Variants in FMN2 observed in about 807,000 individuals in gnomAD.
FMN2 encodes the protein formin 2, also known as formin-2.
In FMN2, 51 loss-of-function variants were observed where a neutral mutation model predicts 142.3. The ratio of observed to expected loss-of-function variants is 0.36; its 90% confidence interval spans 0.29 to 0.45. The LOEUF (loss-of-function observed/expected upper bound fraction) is 0.45, where lower values mean the gene tolerates loss of function less well. FMN2 is among the 20% of genes least tolerant of loss of function. The pLI is 1.00. For missense variants in FMN2, 1,936 were observed against 2,122.8 expected, an observed-to-expected ratio of 0.91 and a Z score of 1.73; for synonymous variants, 882 against 869.8, an observed-to-expected ratio of 1.01 and a Z score of -0.25.
intron 5 of FMN2, among the ~76,000 whole-genome samples, chr1:240,210,805 A>C (rs978713303): frequency 6.6e-6 from 1 of 152,152 alleles, no homozygotes; most frequent in Non-Finnish European, 1.5e-5. Context: ...CACTGAGATA[A>C]GTTTTCTTTT....
In FMN2 at chr1:240,439,127, G is replaced by T. The variant is rs373594551; in HGVS notation, c.5060+917G>T. Among the ~76,000 whole-genome samples, 419 of 152,058 alleles carry T rather than the reference G, an allele frequency of 2.8e-3. 5 individuals are homozygous for T. The highest frequency in any genetic ancestry group is 9.4e-3 in the African/African-American group (389 of 41,474). ...GTCTGTACTAAAAGTACAAAAATTAGCCGGGCATTGTGGTGGGCACCTGTA... is the reference window on the plus strand; with the variant it reads ...GTCTGTACTAAAAGTACAAAAATTATCCGGGCATTGTGGTGGGCACCTGTA... On this transcript the variant is annotated intron_variant, in intron 16 of 17. Transcript: ENST00000319653.
chr1:240,138,731 G>A lies in FMN2; in HGVS notation c.1782+15386G>A, dbSNP rs1329556214. 2.6e-5 allele frequency among the ~76,000 whole-genome samples: 4 copies of A among 151,958 alleles called. No homozygotes were observed. The East Asian group carries it at 7.7e-4, about 29-fold the overall frequency. On this transcript the variant is annotated intron_variant, in intron 2 of 17. Transcript: ENST00000319653. Reference sequence around the variant, plus strand: ...CAAAAAACAAAAAAAAATTGCATGTGGTCACACAATTTGTTTTTCCCCCTT... The same window carrying A: ...CAAAAAACAAAAAAAAATTGCATGTAGTCACACAATTTGTTTTTCCCCCTT...
chr1:240,204,567 G>A (rs907715155), intron 4 of FMN2, among the ~76,000 whole-genome samples: 3 of 152,148 alleles, frequency 2.0e-5, no homozygotes, highest in Non-Finnish European at 2.9e-5. Flanking sequence ...CCTGGCCAAC[G>A]TGCTGAAACC....
chr1:240,093,434 G>A lies in FMN2; in HGVS notation c.1325G>A (p.Arg442Lys). The A allele has an allele frequency of 6.2e-7, 1 of 1,613,722 alleles. No homozygotes were observed. The highest frequency in any genetic ancestry group is 8.5e-7 in the Non-Finnish European group (1 of 1,179,800). ...SPSQSPNQSP[R>K]IKRRPEPSLS... ...TCTCAGTCCCCTAATCAGAGCCCCAGGATCAAGAGGCGGCCGGAACCCTCC... is the reference window on the plus strand; with the variant it reads ...TCTCAGTCCCCTAATCAGAGCCCCAAGATCAAGAGGCGGCCGGAACCCTCC... The change falls in exon 1 of 18, where the codon AGG (arginine) becomes AAG (lysine). Residue 442 changes from arginine (R) to lysine (K), a missense_variant. Arg to Lys is a conservative substitution (Grantham distance 26). This residue lies in a region of FMN2 where 751 missense variants were observed against 791.8 expected (regional missense o/e 0.95). Transcript: ENST00000319653.
chr1:240,376,577 A>T (rs568601979), intron 14 of FMN2, among the ~76,000 whole-genome samples: 2 of 152,252 alleles, frequency 1.3e-5, no homozygotes, highest in African/African-American at 4.8e-5. Flanking sequence ...TTCTTCTCCA[A>T]ACAATACAGC....
chr1:240,411,194 A>C lies in FMN2; in HGVS notation c.4910+18632A>C, dbSNP rs187607960. Among the ~76,000 whole-genome samples, 587 of 152,102 alleles carry C rather than the reference A, an allele frequency of 3.9e-3. 3 individuals are homozygous for C. Among genetic ancestry groups the C allele is most frequent in the African/African-American group, 0.013 (552 of 41,480 alleles). On this transcript the variant is annotated intron_variant, in intron 15 of 17. Transcript: ENST00000319653. Reference sequence around the variant, plus strand: ...TATTTGATAGTTTGTCTAGACATAGACTCCTACTTGAAAATTATTTTCCTT... The same window carrying C: ...TATTTGATAGTTTGTCTAGACATAGCCTCCTACTTGAAAATTATTTTCCTT...
rs909976656 is a variant in FMN2 at position 240,265,631 on chromosome 1, T to A, written c.4153+7599T>A. ...TCTGTTTAAGCACCCCAGTTTGTCA[T>A]ATTTTGCTATGGCAGCCCAAGCTGT... On this transcript the variant is annotated intron_variant, in intron 7 of 17. Transcript: ENST00000319653. Among the ~76,000 whole-genome samples the A allele has an allele frequency of 3.3e-5, 5 of 152,312 alleles. No individual in the cohort carries two copies. In the East Asian group the frequency reaches 7.7e-4, roughly 24 times the overall value.
chr1:240,391,466 C>T (rs559583775), intron 14 of FMN2, among the ~76,000 whole-genome samples: 1 of 152,162 alleles, frequency 6.6e-6, no homozygotes, highest in Non-Finnish European at 1.5e-5. Context: ...CCCTGCTCCA[C>T]TGTGTCTCCT....
chr1:240,332,989 T>G (rs1474657948), intron 11 of FMN2, among the ~76,000 whole-genome samples: 1 of 152,196 alleles, frequency 6.6e-6, no homozygotes, highest in Non-Finnish European at 1.5e-5. Context: ...TACTGACTCA[T>G]GTCAAACTTG....
intron 2 of FMN2, among the ~76,000 whole-genome samples, chr1:240,153,391 T>TTG (rs1330799089): frequency 2.0e-5 from 3 of 150,410 alleles, no homozygotes; most frequent in Non-Finnish European, 3.0e-5. Context: ...TACAGTTTTT[T>TTG]TTTTTTTTTT....
intron 15 of FMN2, among the ~76,000 whole-genome samples, chr1:240,415,239 C>G (rs1333220350): frequency 1.3e-5 from 2 of 152,112 alleles, no homozygotes; most frequent in Admixed American, 1.3e-4. Context: ...TTTGCAGGGA[C>G]ATGGATGAAG....
intron 4 of FMN2, among the ~76,000 whole-genome samples, chr1:240,204,643 C>A (rs1164712647): frequency 1.3e-5 from 2 of 152,118 alleles, no homozygotes; most frequent in African/African-American, 4.8e-5. Flanking sequence ...CCCAGCTACG[C>A]AGGAGGCTGA....
chr1:240,192,826 A>C (rs1322952063), intron 4 of FMN2, among the ~76,000 whole-genome samples: 1 of 120,888 alleles, frequency 8.3e-6, no homozygotes, highest in Non-Finnish European at 1.7e-5. Context: ...ATACTATGTT[A>C]AGAGAAAGAA....
At chr1:240,117,413 G>T (rs911655516) in intron 1 of FMN2, among the ~76,000 whole-genome samples, 6 of 152,224 alleles carry the variant, frequency 3.9e-5, no homozygotes, top group African/African-American at 1.4e-4. Flanking sequence ...ACAATGTTCA[G>T]TTGTTCAGGT....
At chr1:240,139,272 CTGTGTGTAAAATT>C (rs1663079342) in intron 2 of FMN2, among the ~76,000 whole-genome samples, 2 of 42,448 alleles carry the variant, frequency 4.7e-5, no homozygotes, top group African/African-American at 2.6e-4. Flanking sequence ...GCAATTCACA[CTGTGTGTAAAATT>C]CACAATGAGG....
intron 6 of FMN2, among the ~76,000 whole-genome samples, chr1:240,238,176 T>G (rs962511784): frequency 4.6e-5 from 7 of 152,208 alleles, no homozygotes; most frequent in African/African-American, 1.7e-4. Context: ...TGCAGCTGAC[T>G]GTAGTGCTTT....
At chr1:240,189,578 T>C (rs1053478509) in intron 4 of FMN2, among the ~76,000 whole-genome samples, 1 of 152,202 alleles carries the variant, frequency 6.6e-6, no homozygotes, top group African/African-American at 2.4e-5. Flanking sequence ...GAAATTGGGG[T>C]ACAACATTGG....
chr1:240,095,565 T>C (rs1367237751), intron 1 of FMN2, among the ~76,000 whole-genome samples: 1 of 152,072 alleles, frequency 6.6e-6, no homozygotes, highest in Non-Finnish European at 1.5e-5. Flanking sequence ...ATAAGTGCAG[T>C]GCACAGAAAT....
At chr1:240,188,297 CTG>C (rs1412718384) in intron 4 of FMN2, 35 bp downstream of exon 4, 1 of 1,601,310 alleles carries the variant, frequency 6.2e-7, no homozygotes, top group South Asian at 1.1e-5. Context: ...AGATTCCCAT[CTG>C]TCTTATTTGT....
Sources: gnomAD v4.1 joint callset for allele counts (sites outside exome capture counted in the v4.1 genomes callset) on GRCh38, gnomAD v4.1.1 for gene constraint, gnomAD v4.1.1 regional missense constraint, MANE v1.5 for transcripts, NCBI Gene and HGNC (gene_info 2026-07-23, HGNC 2026-07-21) for gene names.